Variants in GPM6A observed in about 807,000 individuals in gnomAD.
The protein encoded by GPM6A is neuronal membrane glycoprotein M6-a.
In GPM6A, 7 loss-of-function variants were observed where a neutral mutation model predicts 32.1. The ratio of observed to expected loss-of-function variants is 0.22; its 90% confidence interval spans 0.12 to 0.41. The LOEUF is 0.41. GPM6A is among the 10% of genes least tolerant of loss of function. The pLI, the probability that GPM6A is intolerant of heterozygous loss-of-function variation, is 1.00. For missense variants in GPM6A, 235 were observed against 347.2 expected, an observed-to-expected ratio of 0.68 and a Z score of 2.57; for synonymous variants, 130 against 123.4, an observed-to-expected ratio of 1.05 and a Z score of -0.35.
chr4:175,979,601 T>TAA (rs59601726), intron 1 of GPM6A, among the ~76,000 whole-genome samples: 12 of 151,474 alleles, frequency 7.9e-5, no homozygotes, highest in African/African-American at 2.9e-4. Context: ...TAAAGTATAA[T>TAA]AAAAAAAATA....
At chr4:175,982,886 G>C (rs36087033) in intron 1 of GPM6A, among the ~76,000 whole-genome samples, 25,618 of 151,810 alleles carry the variant, frequency 0.17, 2,327 homozygotes, top group Non-Finnish European at 0.21. Context: ...TTCTATTTAG[G>C]TCTTTGTTTT....
At chr4:175,717,749 C>T (rs941887762) in intron 1 of GPM6A, among the ~76,000 whole-genome samples, 2 of 152,112 alleles carry the variant, frequency 1.3e-5, no homozygotes, top group African/African-American at 4.8e-5. Context: ...GAGAATTACA[C>T]AATTTAGTCT....
At chr4:175,637,930 T>G (rs1740906978) in intron 6 of GPM6A, among the ~76,000 whole-genome samples, 1 of 136,010 alleles carries the variant, frequency 7.4e-6, no homozygotes, top group Non-Finnish European at 1.5e-5. Context: ...ATACTGAAAC[T>G]CAAGGTCACT....
intron 6 of GPM6A, among the ~76,000 whole-genome samples, chr4:175,637,524 T>C (rs1391045394): frequency 9.4e-6 from 1 of 106,238 alleles, no homozygotes; most frequent in African/African-American, 3.6e-5. Flanking sequence ...TATTTTTATA[T>C]ATATAAAAAT....
intron 2 of GPM6A, among the ~76,000 whole-genome samples, chr4:175,680,963 ACTC>A (rs1248512349): frequency 5.9e-5 from 9 of 152,038 alleles, no homozygotes; most frequent in Non-Finnish European, 1.3e-4. Context: ...CTTGCATACT[ACTC>A]CATGTGTATT....
chr4:175,971,240 C>T (rs999895691), intron 1 of GPM6A, among the ~76,000 whole-genome samples: 1 of 149,844 alleles, frequency 6.7e-6, no homozygotes, highest in African/African-American at 2.5e-5. Context: ...TCCTGGGAAA[C>T]CTGTCATTAG....
At chr4:175,783,163 A>G (rs1733676904) in intron 1 of GPM6A, among the ~76,000 whole-genome samples, 1 of 152,116 alleles carries the variant, frequency 6.6e-6, no homozygotes, top group African/African-American at 2.4e-5. Context: ...TTGTCATAAT[A>G]GTAAGGATTC....
intron 1 of GPM6A, among the ~76,000 whole-genome samples, chr4:175,952,650 T>C (rs1260200066): frequency 5.9e-5 from 9 of 152,184 alleles, no homozygotes; most frequent in African/African-American, 1.7e-4. Flanking sequence ...ATTTTTGTAA[T>C]ACATTTTGTC....
chr4:175,875,845 G>C (rs572365335), intron 1 of GPM6A, among the ~76,000 whole-genome samples: 1 of 152,220 alleles, frequency 6.6e-6, no homozygotes, highest in African/African-American at 2.4e-5. Flanking sequence ...TTGTTATTAA[G>C]TGCAAACGGT....
At chr4:175,881,041 T>A (rs1737257332) in intron 1 of GPM6A, among the ~76,000 whole-genome samples, 1 of 151,952 alleles carries the variant, frequency 6.6e-6, no homozygotes, top group Non-Finnish European at 1.5e-5. Flanking sequence ...GAAACTACCA[T>A]CAGAGTGAAC....
intron 1 of GPM6A, among the ~76,000 whole-genome samples, chr4:175,832,624 T>C (rs550024338): frequency 1.6e-4 from 24 of 152,326 alleles, no homozygotes; most frequent in Non-Finnish European, 3.1e-4. Context: ...GGTATTATTT[T>C]ATTGTCCTAG....
At chr4:175,823,626 A>G (rs1028944962) in intron 1 of GPM6A, among the ~76,000 whole-genome samples, 4 of 152,194 alleles carry the variant, frequency 2.6e-5, no homozygotes, top group Non-Finnish European at 5.9e-5. Flanking sequence ...AGCTGATTAC[A>G]CTATATGGTG....
chr4:175,731,638 T>C (rs1579438056), intron 1 of GPM6A, among the ~76,000 whole-genome samples: 1 of 152,252 alleles, frequency 6.6e-6, no homozygotes, highest in East Asian at 1.9e-4. Context: ...TTGTTCATTA[T>C]TACAACTTAG....
chr4:175,748,965 T>C lies in GPM6A; in HGVS notation c.38-47198A>G, dbSNP rs531498317. Among the ~76,000 whole-genome samples, 24 of 152,272 alleles carry C rather than the reference T, an allele frequency of 1.6e-4. No individual in the cohort carries two copies. In the South Asian group the frequency reaches 5.0e-3, roughly 32 times the overall value. On this transcript the variant is annotated intron_variant, in intron 1 of 6. Coordinates refer to ENST00000393658, the MANE Select transcript of GPM6A (RefSeq NM_201591.3). Reference sequence around the variant, plus strand: ...TGGAAATAGCTTCTTTTCTTAAACCTCATAAATGAAGATCTGCTAATTTCC... The same window carrying C: ...TGGAAATAGCTTCTTTTCTTAAACCCCATAAATGAAGATCTGCTAATTTCC...
At chr4:175,635,198 A>T in intron 6 of GPM6A, 141 bp from the exon 7 acceptor site, 1 of 657,636 alleles carries the variant, frequency 1.5e-6, no homozygotes, top group South Asian at 1.8e-5. Flanking sequence ...TTCTTTGGTA[A>T]CAGAAACAAT....
At chr4:175,710,578 T>G (rs550336418) in intron 1 of GPM6A, among the ~76,000 whole-genome samples, 5 of 152,328 alleles carry the variant, frequency 3.3e-5, no homozygotes, top group African/African-American at 4.8e-5. Flanking sequence ...GCCAATCCTC[T>G]GAAATTTATA....
chr4:175,827,955 A>G (rs750941129), intron 1 of GPM6A, among the ~76,000 whole-genome samples: 1 of 152,188 alleles, frequency 6.6e-6, no homozygotes, highest in Non-Finnish European at 1.5e-5. Flanking sequence ...AAGCTAAGAG[A>G]AAGGCCTCAG....
chr4:175,878,429 G>A lies in GPM6A; in HGVS notation c.-22-66180C>T, dbSNP rs141248642. Among the ~76,000 whole-genome samples, 916 of 152,230 alleles carry A rather than the reference G, an allele frequency of 6.0e-3. 3 individuals are homozygous for A. Among genetic ancestry groups the A allele is most frequent in the Non-Finnish European group, 9.0e-3 (613 of 68,008 alleles). On this transcript the variant is annotated intron_variant, in intron 1 of 7. Transcript: ENST00000280187. ...ACATTTCCATACATTCTCTGAAATCGAGGTGGAGGTTCCCAAACCTCAATT... is the reference window on the plus strand; with the variant it reads ...ACATTTCCATACATTCTCTGAAATCAAGGTGGAGGTTCCCAAACCTCAATT...
Position 175,954,754 on chromosome 4 carries a change from T to A in GPM6A, c.-23+47555A>T, listed in dbSNP as rs115237877. Among the ~76,000 whole-genome samples the A allele has an allele frequency of 1.6e-3, 242 of 152,318 alleles. 1 individual carries two copies. Among genetic ancestry groups the A allele is most frequent in the African/African-American group, 5.5e-3 (228 of 41,564 alleles). On this transcript the variant is annotated intron_variant, in intron 1 of 7. Coordinates refer to the GPM6A transcript ENST00000280187. ...CAGGGCCTCATATCTGTCTTTTCCA[T>A]GGGTCTTAAACATGATTTGGACTTG...
Sources: gnomAD v4.1 joint callset for allele counts (sites outside exome capture counted in the v4.1 genomes callset) on GRCh38, gnomAD v4.1.1 for gene constraint, MANE v1.5 for transcripts, NCBI Gene and HGNC (gene_info 2026-07-23, HGNC 2026-07-21) for gene names.